The following RPA3 variants were observed in gnomAD, a reference collection of about 807,000 sequenced individuals.
RPA3 encodes replication protein A3, also known as replication protein A 14 kDa subunit.
Under a neutral mutation model 13.7 loss-of-function variants are expected in RPA3, and 24 were observed. The ratio of observed to expected loss-of-function variants is 1.75; its 90% confidence interval spans 1.27 to 2.46. The LOEUF (loss-of-function observed/expected upper bound fraction) is 2.46. RPA3 is among the 30% of genes most tolerant of loss of function. RPA3 has a pLI of 0.00. For missense variants in RPA3, 183 were observed against 151.0 expected (o/e 1.21, Z -1.11); for synonymous variants, 59 against 51.2 (o/e 1.15, Z -0.65).
intron 4 of RPA3, among the ~76,000 whole-genome samples, chr7:7,667,774 C>T (rs942500656): frequency 6.6e-6 from 1 of 152,196 alleles, no homozygotes; most frequent in Non-Finnish European, 1.5e-5. Context: ...GAAAGTCCAA[C>T]ACAGACGTCC....
intron 4 of RPA3, among the ~76,000 whole-genome samples, chr7:7,678,626 C>T (rs868756215): frequency 9.1e-6 from 1 of 109,782 alleles, no homozygotes; most frequent in African/African-American, 3.5e-5. Flanking sequence ...TATTTATATA[C>T]TTAATTTATA....
Position 7,708,785 on chromosome 7 carries a change from GA to G in RPA3, c.-1028+6389del, listed in dbSNP as rs1780674217. On this transcript the variant is annotated intron_variant, in intron 2 of 7. Coordinates refer to ENST00000223129, the MANE Select transcript of RPA3 (RefSeq NM_002947.5). ...AGCTTTTCAACAGATAGAATGTTAG[GA>G]CTTTTTTTGCCCATTAATATGTGGT... 2.0e-5 allele frequency among the ~76,000 whole-genome samples: 3 copies of G among 152,192 alleles called. No homozygotes were observed. In the South Asian group the frequency reaches 6.2e-4, roughly 32 times the overall value.
At chr7:7,638,876 A>G (rs1784906131) in intron 6 of RPA3, 194 bp downstream of exon 6, 3 of 407,734 alleles carry the variant, frequency 7.4e-6, no homozygotes, top group Admixed American at 4.3e-5. Context: ...ATGACGCCCA[A>G]AAAATCATTG....
At chr7:7,703,139 GTTTAT>G (rs1780505473) in intron 2 of RPA3, among the ~76,000 whole-genome samples, 1 of 152,160 alleles carries the variant, frequency 6.6e-6, no homozygotes, top group Admixed American at 6.5e-5. Flanking sequence ...TACAGCTGTA[GTTTAT>G]TTTATTTGCC....
intron 4 of RPA3, chr7:7,676,290 G>T: frequency 2.5e-6 from 1 of 396,256 alleles, no homozygotes. Context: ...GTTATTGAGG[G>T]GAATAAATGA....
chr7:7,686,972 T>C (rs573161180), intron 3 of RPA3, among the ~76,000 whole-genome samples: 1 of 152,302 alleles, frequency 6.6e-6, no homozygotes, highest in East Asian at 1.9e-4. Flanking sequence ...CCATGAGAAC[T>C]AGGGTACGTT....
chr7:7,710,772 C>G (rs1183307404), intron 2 of RPA3, among the ~76,000 whole-genome samples: 3 of 152,108 alleles, frequency 2.0e-5, no homozygotes, highest in Admixed American at 1.3e-4. Context: ...ATAATAGACC[C>G]AAACTGGATA....
At chr7:7,672,691 A>G (rs1218362937) in intron 4 of RPA3, among the ~76,000 whole-genome samples, 1 of 152,138 alleles carries the variant, frequency 6.6e-6, no homozygotes, top group Admixed American at 6.5e-5. Context: ...GACTTCCCCT[A>G]TGCTTTTAAG....
intron 4 of RPA3, among the ~76,000 whole-genome samples, chr7:7,642,109 A>G (rs1278643120): frequency 6.6e-6 from 1 of 152,182 alleles, no homozygotes; most frequent in East Asian, 1.9e-4. Flanking sequence ...TGCATTATAT[A>G]GGGGAGAGTA....
Position 7,676,403 on chromosome 7 carries a change from G to T in RPA3, c.-758+9427C>A, listed in dbSNP as rs953314000. Reference sequence around the variant, plus strand: ...TAATGTTTCCAAGTTTCTCCAGTTAGTATGTAGCAGATCTGGAATTAGCCC... The same window carrying T: ...TAATGTTTCCAAGTTTCTCCAGTTATTATGTAGCAGATCTGGAATTAGCCC... On this transcript the variant is annotated intron_variant, in intron 4 of 7. Coordinates refer to ENST00000223129, the MANE Select transcript of RPA3 (RefSeq NM_002947.5). Among the ~76,000 whole-genome samples, 4 of 152,202 alleles carry T rather than the reference G, an allele frequency of 2.6e-5. No homozygotes were observed. In the East Asian group the frequency reaches 7.7e-4, roughly 29 times the overall value.
chr7:7,668,031 C>T (rs1186801451), intron 4 of RPA3, among the ~76,000 whole-genome samples: 1 of 152,136 alleles, frequency 6.6e-6, no homozygotes, highest in Non-Finnish European at 1.5e-5. Flanking sequence ...GTCCTCCAAC[C>T]TCAGCCTCCC....
At chr7:7,637,843 A>T (rs1255668348) in intron 7 of RPA3, 21 bp downstream of exon 7, 1 of 1,552,638 alleles carries the variant, frequency 6.4e-7, no homozygotes, top group East Asian at 2.3e-5. Context: ...AAACCAGTCA[A>T]TACTAGAATG....
intron 1 of RPA3, among the ~76,000 whole-genome samples, chr7:7,717,052 C>CT (rs1244646824): frequency 1.4e-5 from 2 of 147,308 alleles, no homozygotes; most frequent in African/African-American, 2.6e-5. Flanking sequence ...TTCTTTCTTT[C>CT]TTTTTTTCTT....
At chr7:7,637,840 T>C in intron 7 of RPA3, 24 bp downstream of exon 7, 1 of 1,521,228 alleles carries the variant, frequency 6.6e-7, no homozygotes, top group Non-Finnish European at 9.1e-7. Flanking sequence ...ATAAAACCAG[T>C]CAATACTAGA....
intron 4 of RPA3, among the ~76,000 whole-genome samples, chr7:7,668,805 A>G (rs941633654): frequency 6.6e-6 from 1 of 152,238 alleles, no homozygotes; most frequent in Non-Finnish European, 1.5e-5. Flanking sequence ...CAATTATTCT[A>G]GTTAAGTGCT....
intron 1 of RPA3, among the ~76,000 whole-genome samples, chr7:7,716,258 A>G (rs910467352): frequency 1.3e-5 from 2 of 152,226 alleles, no homozygotes; most frequent in Admixed American, 6.5e-5. Flanking sequence ...ATTCGATATT[A>G]TTACAACATG....
intron 4 of RPA3, among the ~76,000 whole-genome samples, chr7:7,668,497 G>C (rs1194499510): frequency 1.3e-5 from 2 of 152,074 alleles, no homozygotes; most frequent in African/African-American, 4.8e-5. Flanking sequence ...CTCTTAGTGT[G>C]CCTAATTTAT....
chr7:7,713,184 A>C (rs960732969), intron 2 of RPA3, among the ~76,000 whole-genome samples: 4 of 148,920 alleles, frequency 2.7e-5, no homozygotes, highest in African/African-American at 9.8e-5. Context: ...TAAAAATACA[A>C]AAAAAAAAAA....
intron 2 of RPA3, among the ~76,000 whole-genome samples, chr7:7,700,763 C>T (rs1780440836): frequency 6.6e-6 from 1 of 152,096 alleles, no homozygotes; most frequent in Non-Finnish European, 1.5e-5. Flanking sequence ...TGGTGGGTGC[C>T]TGTAATCAAA....
Sources: gnomAD v4.1 joint callset for allele counts (sites outside exome capture counted in the v4.1 genomes callset) on GRCh38, gnomAD v4.1.1 for gene constraint, MANE v1.5 for transcripts, NCBI Gene and HGNC (gene_info 2026-07-23, HGNC 2026-07-21) for gene names.